Variants in CHAF1B observed in about 807,000 individuals in gnomAD.
CHAF1B encodes chromatin assembly factor 1 subunit B, also known as CAF-1 subunit B.
In CHAF1B, 10 loss-of-function variants were observed where a neutral mutation model predicts 60.7. That is an observed-to-expected ratio of 0.16 (90% CI 0.10 to 0.28). The LOEUF (loss-of-function observed/expected upper bound fraction) is 0.28. Ranked by LOEUF, CHAF1B falls within the 10% of genes least tolerant of loss-of-function variation. The pLI is 1.00. For missense variants in CHAF1B, 558 were observed against 708.4 expected, an observed-to-expected ratio of 0.79 and a Z score of 2.41; for synonymous variants, 261 against 266.1, an observed-to-expected ratio of 0.98 and a Z score of 0.19.
chr21:36,391,980 T>A (rs1439445118), intron 4 of CHAF1B, among the ~76,000 whole-genome samples: 1 of 137,986 alleles, frequency 7.2e-6, no homozygotes, highest in African/African-American at 3.0e-5. Flanking sequence ...GAGAGGGGGA[T>A]TTGGCAGGGT....
intron 2 of CHAF1B, among the ~76,000 whole-genome samples, chr21:36,387,219 G>GTTTTT (rs1471540790): frequency 1.7e-4 from 24 of 141,374 alleles, no homozygotes; most frequent in Non-Finnish European, 2.3e-4. Flanking sequence ...AATAAGCATA[G>GTTTTT]TTTTGTTTTT....
At chr21:36,398,609 G>A (rs140838659) in intron 6 of CHAF1B, among the ~76,000 whole-genome samples, 4,688 of 152,062 alleles carry the variant, frequency 0.031, 102 homozygotes, top group Admixed American at 0.047. Context: ...ACCTGCCTGC[G>A]TTGGCCTCCC....
intron 3 of CHAF1B, among the ~76,000 whole-genome samples, chr21:36,390,083 C>T (rs952408944): frequency 2.0e-5 from 3 of 151,988 alleles, no homozygotes; most frequent in African/African-American, 7.2e-5. Flanking sequence ...CCTGTAATCC[C>T]AGCACTTTGG....
rs762848564 is a variant in CHAF1B at position 36,408,754 on chromosome 21, T to G, written c.758-7T>G. 1.9e-6 allele frequency: 3 copies of G among 1,600,098 alleles called. No homozygotes were observed. Among genetic ancestry groups the G allele is most frequent in the Non-Finnish European group, 2.6e-6 (3 of 1,167,506 alleles). ...TCTTTCCTCTCCCTCCCTTCCCTGT[T>G]CCCCAGCTGGATGTGTGGAATCTGG... On this transcript the variant is annotated splice_polypyrimidine_tract_variant and splice_region_variant and intron_variant, in intron 8 of 13. Transcript: ENST00000314103.
intron 3 of CHAF1B, among the ~76,000 whole-genome samples, chr21:36,389,334 C>T (rs74683276): frequency 2.3e-4 from 35 of 152,052 alleles, no homozygotes; most frequent in Non-Finnish European, 3.2e-4. Context: ...TGGGCGCGGT[C>T]GCTCACACAT....
intron 6 of CHAF1B, among the ~76,000 whole-genome samples, chr21:36,398,984 C>T (rs1601561738): frequency 6.6e-6 from 1 of 151,386 alleles, no homozygotes; most frequent in African/African-American, 2.4e-5. Flanking sequence ...TTTATTCAGA[C>T]AGTCATCAGT....
chr21:36,405,044 C>T (rs1369462197), intron 8 of CHAF1B, among the ~76,000 whole-genome samples: 2 of 25,134 alleles, frequency 8.0e-5, no homozygotes, highest in African/African-American at 1.1e-4. Flanking sequence ...AGCCACTGCG[C>T]CCAGCCCCAG....
At position 36,412,996 on chromosome 21, in the gene CHAF1B, A is replaced by G. The variant is rs958641879; in HGVS notation, c.1174A>G (p.Met392Val). ...TTTGAAAGAGAAGCCAGTTTTGAAC[A>G]TGAGAACTCCTGATACAGCAAAGAA... The part of the protein sequence containing the change: ...IPLKEKPVLN[M>V]RTPDTAKKTK... The change falls in exon 12 of 14, where the codon ATG (methionine) becomes GTG (valine). Residue 392 changes from methionine to valine, a missense_variant. This residue lies in a region of CHAF1B where 233 missense variants were observed against 214.9 expected (regional missense o/e 1.08). Coordinates refer to ENST00000314103, the MANE Select transcript of CHAF1B (RefSeq NM_005441.3). 4 of 1,614,102 alleles carry G rather than the reference A, an allele frequency of 2.5e-6. No homozygotes were observed. Among genetic ancestry groups the G allele is most frequent in the African/African-American group, 2.7e-5 (2 of 74,942 alleles).
At position 36,413,225 on chromosome 21, in the gene CHAF1B, C is replaced by T. The variant is rs1260826992; in HGVS notation, c.1403C>T (p.Thr468Ile). The T allele has an allele frequency of 6.2e-7, 1 of 1,614,014 alleles. No homozygotes were observed. Among genetic ancestry groups the T allele is most frequent in the Non-Finnish European group, 8.5e-7 (1 of 1,180,038 alleles). ...TTGCCGGGGCCTTCGGAGGAGAAGACCCTGCAGCCCAGTAGTCAAAACACA... is the reference window on the plus strand; with the variant it reads ...TTGCCGGGGCCTTCGGAGGAGAAGATCCTGCAGCCCAGTAGTCAAAACACA... ...SPLPGPSEEK[T>I]LQPSSQNTKA... is the part of the protein sequence containing the mutation. Residue 468 changes from threonine to isoleucine, a missense_variant, in exon 12 of 14, where the codon ACC becomes ATC. Physicochemically the swap from Thr to Ile is moderately conservative, Grantham distance 89. Around this residue, in one of 2 missense-constraint regions of CHAF1B, gnomAD observed 233 missense variants for 214.9 expected, o/e 1.08. Coordinates refer to ENST00000314103, the MANE Select transcript of CHAF1B (RefSeq NM_005441.3).
chr21:36,386,366 T>C, intron 2 of CHAF1B, 104 bp downstream of exon 2: 1 of 1,415,026 alleles, frequency 7.1e-7, no homozygotes, highest in Non-Finnish European at 9.6e-7. Context: ...CTTACGCCTG[T>C]AATCCCAGTG....
In CHAF1B at chr21:36,394,663, T is replaced by C. The variant is rs2086122781; in HGVS notation, c.481+13T>C. 1.3e-6 allele frequency: 2 copies of C among 1,538,966 alleles called. No homozygotes were observed. The highest frequency in any genetic ancestry group is 1.8e-6 in the Non-Finnish European group (2 of 1,120,754). On this transcript the variant is annotated intron_variant, in intron 5 of 13. Coordinates refer to ENST00000314103, the MANE Select transcript of CHAF1B (RefSeq NM_005441.3). ...GATGTCAGCAAAGGTAAATGATATA[T>C]TTTTGTTATTAGCAGGAAGAAATAT...
At chr21:36,393,073 G>A (rs767252771) in intron 4 of CHAF1B, among the ~76,000 whole-genome samples, 14 of 152,214 alleles carry the variant, frequency 9.2e-5, no homozygotes, top group South Asian at 2.1e-4. Flanking sequence ...CCAGACAGGC[G>A]TGGCGGCGTG....
intron 3 of CHAF1B, among the ~76,000 whole-genome samples, chr21:36,390,293 A>AT (rs1178850565): frequency 1.4e-5 from 2 of 147,724 alleles, no homozygotes; most frequent in Non-Finnish European, 3.0e-5. Context: ...AGATTGCACC[A>AT]TTGCACTCCA....
intron 9 of CHAF1B, 66 bp downstream of exon 9, chr21:36,408,896 C>T: frequency 8.3e-7 from 1 of 1,208,856 alleles, no homozygotes; most frequent in Non-Finnish European, 1.2e-6. Context: ...CTCTTGTTGC[C>T]CAGGCTGGAG....
chr21:36,394,416 G>C (rs1036327123), intron 4 of CHAF1B, 131 bp from the exon 5 acceptor site: 9 of 657,776 alleles, frequency 1.4e-5, no homozygotes, highest in Non-Finnish European at 2.4e-5. Context: ...TACTGTGTTA[G>C]CCAGGCTGGC....
Position 36,413,149 on chromosome 21 carries a change from C to T in CHAF1B, c.1327C>T (p.Pro443Ser), listed in dbSNP as rs1437149015. 1 of 1,613,954 alleles carries T rather than the reference C, an allele frequency of 6.2e-7. No homozygotes were observed. The highest frequency in any genetic ancestry group is 8.5e-7 in the Non-Finnish European group (1 of 1,180,016). ...CCCTCAGGCCAGACAGGCCCCAGCC[C>T]CAACAGTCATCAGGGACCCTCCCTC... is the stretch of plus-strand genomic sequence containing the variant. ...TPPQARQAPA[P>S]TVIRDPPSIT... Residue 443 changes from proline to serine, a missense_variant, in exon 12 of 14, where the codon CCA (proline) becomes TCA (serine). Coordinates refer to ENST00000314103, the MANE Select transcript of CHAF1B (RefSeq NM_005441.3).
intron 11 of CHAF1B, 117 bp downstream of exon 11, chr21:36,411,721 C>T: frequency 8.3e-7 from 1 of 1,204,026 alleles, no homozygotes; most frequent in South Asian, 1.5e-5. Flanking sequence ...ACATATTCAC[C>T]AATTTTGTTT....
rs745523995 is a variant in CHAF1B, at chr21:36,413,117, C to T, written c.1295C>T (p.Thr432Met). 14 of 1,613,888 alleles carry T rather than the reference C, an allele frequency of 8.7e-6. No individual in the cohort carries two copies. Among genetic ancestry groups the T allele is most frequent in the Admixed American group, 5.0e-5 (3 of 59,978 alleles). Reference protein sequence around the residue: ...SRTQDPSSPGTTPPQARQAPA... With the variant: ...SRTQDPSSPGMTPPQARQAPA... ...ACCCAAGACCCCAGCAGCCCCGGCA[C>T]GACTCCCCCTCAGGCCAGACAGGCC... Residue 432 changes from threonine to methionine, a missense_variant, in exon 12 of 14, where the codon ACG becomes ATG. Thr to Met is a moderately conservative substitution (Grantham distance 81). This residue lies in a region of CHAF1B where 233 missense variants were observed against 214.9 expected (regional missense o/e 1.08). Coordinates refer to ENST00000314103, the MANE Select transcript of CHAF1B (RefSeq NM_005441.3).
intron 8 of CHAF1B, among the ~76,000 whole-genome samples, chr21:36,405,461 C>G (rs937277399): frequency 2.6e-5 from 4 of 152,062 alleles, no homozygotes; most frequent in Non-Finnish European, 5.9e-5. Context: ...GGGTCTCACT[C>G]TGTCACCCAG....
Sources: gnomAD v4.1 joint callset for allele counts (sites outside exome capture counted in the v4.1 genomes callset) on GRCh38, gnomAD v4.1.1 for gene constraint, gnomAD v4.1.1 regional missense constraint, MANE v1.5 for transcripts, NCBI Gene and HGNC (gene_info 2026-07-23, HGNC 2026-07-21) for gene names.